ITPR2: variants seen among roughly 807,000 people sequenced by gnomAD.
The protein encoded by ITPR2 is inositol 1,4,5-trisphosphate-gated calcium channel ITPR2.
ITPR2 carries 207 observed loss-of-function variants against 317.1 expected under a neutral mutation model. The ratio of observed to expected loss-of-function variants is 0.65; its 90% confidence interval spans 0.58 to 0.73. ITPR2 has a LOEUF of 0.73. Among genes scored for constraint, ITPR2 ranks in the 30% least tolerant of loss-of-function variants. ITPR2 has a pLI of 0.00. For missense variants in ITPR2, 2,613 were observed against 3,284.0 expected (o/e 0.80, Z 4.99); for synonymous variants, 1,156 against 1,149.1 (o/e 1.01, Z -0.12).
chr12:26,699,286 T>G (rs1948402959), intron 9 of ITPR2, among the ~76,000 whole-genome samples: 1 of 152,188 alleles, frequency 6.6e-6, no homozygotes, highest in Non-Finnish European at 1.5e-5. Flanking sequence ...CAATGTTACC[T>G]TCTACAATCA....
intron 23 of ITPR2, among the ~76,000 whole-genome samples, 173 bp downstream of exon 23, chr12:26,627,860 G>T (rs975132048): frequency 2.0e-5 from 3 of 151,982 alleles, no homozygotes; most frequent in African/African-American, 7.3e-5. Flanking sequence ...AACATGGCAC[G>T]TGTATACCTA....
At chr12:26,452,370 G>A (rs12306916) in intron 45 of ITPR2, among the ~76,000 whole-genome samples, 17,589 of 73,762 alleles carry the variant, frequency 0.24, 2,560 homozygotes, top group African/African-American at 0.45. Context: ...TACATTTACT[G>A]AACACATTTT....
intron 55 of ITPR2, among the ~76,000 whole-genome samples, chr12:26,375,665 A>G (rs1160238966): frequency 6.6e-6 from 1 of 152,156 alleles, no homozygotes; most frequent in Non-Finnish European, 1.5e-5. Context: ...CTTTTTCTGA[A>G]TTTCTCAGTC....
At chr12:26,760,046 T>A (rs1403352118) in intron 2 of ITPR2, among the ~76,000 whole-genome samples, 2 of 152,246 alleles carry the variant, frequency 1.3e-5, no homozygotes, top group Admixed American at 6.5e-5. Flanking sequence ...ATATAGCCTA[T>A]GCACATTCTT....
chr12:26,572,290 G>A (rs574729998), intron 34 of ITPR2, among the ~76,000 whole-genome samples: 2 of 152,246 alleles, frequency 1.3e-5, no homozygotes, highest in Admixed American at 6.5e-5. Flanking sequence ...CAGCAGACCA[G>A]GCCAGAATGA....
chr12:26,605,605 T>C (rs1033066387), intron 26 of ITPR2, among the ~76,000 whole-genome samples: 2 of 152,168 alleles, frequency 1.3e-5, no homozygotes, highest in East Asian at 3.8e-4. Flanking sequence ...CAAGCAATAA[T>C]CTGAAGAAAA....
intron 2 of ITPR2, chr12:26,726,030 T>C (rs1392785349): frequency 2.4e-5 from 7 of 296,486 alleles, no homozygotes; most frequent in African/African-American, 1.3e-4. Context: ...ATCAAACCCA[T>C]GTAATTGTGG....
intron 34 of ITPR2, among the ~76,000 whole-genome samples, chr12:26,567,945 ATATAT>A (rs1487230819): frequency 1.2e-4 from 4 of 32,718 alleles, no homozygotes; most frequent in Non-Finnish European, 3.1e-4. Context: ...TGGTATATAT[ATATAT>A]TATATATATA....
Position 26,428,084 on chromosome 12 carries a change from T to G in ITPR2, c.6774A>C (p.Thr2258=), listed in dbSNP as rs772046108. ...GAAGAACCGAGAACAATGGAGAAAG[T>G]GTACCTGTAAAATGTGGAAGAAATT... ...YPFGDDGDEG[T]LSPLFSVLLW... is the part of the protein sequence containing the mutation. Residue 2258 remains threonine (T), a synonymous_variant, in exon 49 of 57, where the codon ACA becomes ACC. Coordinates refer to ENST00000381340, the MANE Select transcript of ITPR2 (RefSeq NM_002223.4). 1.3e-6 allele frequency: 2 copies of G among 1,587,782 alleles called. No homozygotes were observed. Among genetic ancestry groups the G allele is most frequent in the African/African-American group, 2.7e-5 (2 of 73,004 alleles).
At chr12:26,399,824 C>T (rs765734587) in intron 53 of ITPR2, among the ~76,000 whole-genome samples, 12 of 152,182 alleles carry the variant, frequency 7.9e-5, no homozygotes, top group South Asian at 4.1e-4. Context: ...GAGGCAACCT[C>T]GTTTATGTTA....
intron 9 of ITPR2, among the ~76,000 whole-genome samples, chr12:26,705,096 T>C (rs905362285): frequency 2.6e-5 from 4 of 152,172 alleles, no homozygotes; most frequent in Non-Finnish European, 4.4e-5. Flanking sequence ...AACCACCTCA[T>C]TTTTAAAAAT....
intron 21 of ITPR2, among the ~76,000 whole-genome samples, chr12:26,643,311 T>A (rs1333530450): frequency 6.6e-6 from 1 of 152,214 alleles, no homozygotes; most frequent in Non-Finnish European, 1.5e-5. Flanking sequence ...CAGAAAATTG[T>A]CTTACGAAGA....
chr12:26,775,902 C>A (rs10842787), intron 2 of ITPR2, among the ~76,000 whole-genome samples: 3 of 136,312 alleles, frequency 2.2e-5, no homozygotes, highest in African/African-American at 7.8e-5. Flanking sequence ...GTGATCGTGT[C>A]AGTCAATACC....
At chr12:26,579,310 G>A (rs1945341074) in intron 33 of ITPR2, among the ~76,000 whole-genome samples, 1 of 152,092 alleles carries the variant, frequency 6.6e-6, no homozygotes, top group Non-Finnish European at 1.5e-5. Context: ...TTTTAGAAGA[G>A]TTATACACAA....
At chr12:26,741,690 T>C (rs1356243456) in intron 2 of ITPR2, among the ~76,000 whole-genome samples, 6 of 151,972 alleles carry the variant, frequency 3.9e-5, no homozygotes, top group Non-Finnish European at 8.8e-5. Flanking sequence ...TGTGTGTGCG[T>C]GTGTGTGTGT....
chr12:26,418,410 G>A (rs962978671), intron 50 of ITPR2, among the ~76,000 whole-genome samples: 1 of 151,932 alleles, frequency 6.6e-6, no homozygotes, highest in African/African-American at 2.4e-5. Context: ...CTCCTCTCCT[G>A]GTTTATGGCT....
intron 55 of ITPR2, among the ~76,000 whole-genome samples, chr12:26,376,875 T>C (rs897348726): frequency 6.6e-6 from 1 of 151,568 alleles, no homozygotes; most frequent in Non-Finnish European, 1.5e-5. Context: ...ACTACAGGAG[T>C]GTGCAACCAT....
chr12:26,716,711 T>C (rs1424522993), intron 5 of ITPR2, among the ~76,000 whole-genome samples: 1 of 152,180 alleles, frequency 6.6e-6, no homozygotes, highest in Non-Finnish European at 1.5e-5. Context: ...CTTCCCATAG[T>C]CTCAGAAGTG....
intron 18 of ITPR2, among the ~76,000 whole-genome samples, chr12:26,657,142 G>A (rs115924044): frequency 1.4e-4 from 22 of 152,292 alleles, no homozygotes; most frequent in African/African-American, 5.1e-4. Flanking sequence ...TCTGCCTTGG[G>A]TTTCTATACC....
Sources: allele counts gnomAD v4.1 joint callset (sites outside exome capture counted in the v4.1 genomes callset), GRCh38; gene constraint gnomAD v4.1.1; transcripts MANE v1.5; gene names NCBI Gene and HGNC (gene_info 2026-07-23, HGNC 2026-07-21).